Variants in ABTB2 observed in about 807,000 individuals in gnomAD.
ABTB2 encodes ankyrin repeat and BTB domain containing 2, also known as ankyrin repeat and BTB/POZ domain-containing protein 2.
In ABTB2, 56 loss-of-function variants were observed where a neutral mutation model predicts 104.1. The ratio of observed to expected loss-of-function variants is 0.54; its 90% confidence interval spans 0.43 to 0.67. The LOEUF is 0.67. Ranked by LOEUF, ABTB2 falls within the 30% of genes least tolerant of loss-of-function variation. The pLI is 0.00. For missense variants in ABTB2, 1,279 were observed against 1,407.7 expected, an observed-to-expected ratio of 0.91 and a Z score of 1.46; for synonymous variants, 606 against 608.2, an observed-to-expected ratio of 1.00 and a Z score of 0.05.
At chr11:34,267,633 G>C (rs1347569362) in intron 1 of ABTB2, among the ~76,000 whole-genome samples, 1 of 152,216 alleles carries the variant, frequency 6.6e-6, no homozygotes, top group Non-Finnish European at 1.5e-5. Context: ...TCACCCTAGT[G>C]GGGGAAAGTG....
chr11:34,264,803 C>T (rs932348536), intron 1 of ABTB2, among the ~76,000 whole-genome samples: 1 of 152,162 alleles, frequency 6.6e-6, no homozygotes, highest in Non-Finnish European at 1.5e-5. Context: ...GCCTGTAATG[C>T]CTGCTGGCCC....
rs1399688723 is a variant in ABTB2 at position 34,154,964 on chromosome 11, C to G, written c.2698-195G>C. On this transcript the variant is annotated intron_variant, in intron 14 of 16. Coordinates refer to ENST00000435224, the MANE Select transcript of ABTB2 (RefSeq NM_145804.3). This position sits in a 1 kb window ranked among gnomAD's most constrained non-coding sequence, Gnocchi z 4.9. The stretch of plus-strand genomic sequence containing the variant: ...CCGGGGAAGCCAACTCCAAGACCCT[C>G]TCTCCTGAGTCCCTGCCCGGATAAC... Among the ~76,000 whole-genome samples the G allele has an allele frequency of 2.6e-5, 4 of 152,242 alleles. No homozygotes were observed. Among genetic ancestry groups the G allele is most frequent in the Non-Finnish European group, 4.4e-5 (3 of 68,038 alleles).
intron 1 of ABTB2, among the ~76,000 whole-genome samples, chr11:34,319,388 C>T (rs542020829): frequency 8.7e-4 from 133 of 152,324 alleles, no homozygotes; most frequent in Non-Finnish European, 1.7e-3. Flanking sequence ...CCAGCTGATG[C>T]CTGCACTGGC....
chr11:34,229,121 G>GAGA (rs1554984675), intron 1 of ABTB2, among the ~76,000 whole-genome samples: 5 of 103,780 alleles, frequency 4.8e-5, no homozygotes, highest in African/African-American at 1.8e-4. Context: ...CTCCGTCTTG[G>GAGA]AAAAAAAAAA....
chr11:34,357,129 T>G lies in ABTB2; in HGVS notation c.455A>C (p.Lys152Thr). 1.3e-6 allele frequency: 2 copies of G among 1,508,000 alleles called. No individual in the cohort carries two copies. Among genetic ancestry groups the G allele is most frequent in the Non-Finnish European group, 1.8e-6 (2 of 1,134,308 alleles). 93.4% of individuals were successfully genotyped at this position (1,508,000 alleles called of 1,614,324 possible). ...GCTCTGCACCTCAAAGCGGGTGCAC[T>G]TGGCGTGCAGCACGCTCAGGCGCTG... ...EAQRLSVLHAKCTRFEVQSAV... is the reference protein window; with the variant it reads ...EAQRLSVLHATCTRFEVQSAV... The change falls in exon 1 of 17, where the codon AAG (lysine) becomes ACG (threonine). Residue 152 changes from lysine to threonine, a missense_variant. Physicochemically the swap from Lys to Thr is moderately conservative, Grantham distance 78. Coordinates refer to ENST00000435224, the MANE Select transcript of ABTB2 (RefSeq NM_145804.3).
At chr11:34,264,029 G>A (rs1304782296) in intron 1 of ABTB2, among the ~76,000 whole-genome samples, 1 of 152,212 alleles carries the variant, frequency 6.6e-6, no homozygotes, top group African/African-American at 2.4e-5. Context: ...TGTGAGATCA[G>A]TGGTCTTCCA....
intron 3 of ABTB2, among the ~76,000 whole-genome samples, chr11:34,189,885 A>G (rs1853149997): frequency 6.6e-6 from 1 of 152,138 alleles, no homozygotes; most frequent in South Asian, 2.1e-4. Context: ...TGCCTTATGT[A>G]TATTAACTCA....
chr11:34,155,621 G>A (rs983061984), intron 14 of ABTB2, among the ~76,000 whole-genome samples: 1 of 152,244 alleles, frequency 6.6e-6, no homozygotes, highest in East Asian at 1.9e-4. Context: ...TGTCAAGACC[G>A]GCCCTGAGGC....
At position 34,159,385 on chromosome 11, in the gene ABTB2, A is replaced by T; in HGVS notation, c.2608T>A (p.Phe870Ile). The change falls in exon 14 of 17, where the codon TTC becomes ATC. Residue 870 changes from phenylalanine (F) to isoleucine (I), a missense_variant and splice_region_variant. Phe to Ile is a conservative substitution (Grantham distance 21). Coordinates refer to ENST00000435224, the MANE Select transcript of ABTB2 (RefSeq NM_145804.3). ...GATTTATTGGTCATTAGTGTCTTGA[A>T]CCTGGAGCAAAGGAGACAAAGCAAG... ...KVLLVTASNRFKTLMTNKSEQ... is the reference protein window; with the variant it reads ...KVLLVTASNRIKTLMTNKSEQ... The T allele has an allele frequency of 6.2e-7, 1 of 1,611,940 alleles. No homozygotes were observed. The highest frequency in any genetic ancestry group is 8.5e-7 in the Non-Finnish European group (1 of 1,178,112).
chr11:34,207,823 C>T (rs575926388), intron 1 of ABTB2, among the ~76,000 whole-genome samples: 6 of 152,336 alleles, frequency 3.9e-5, no homozygotes, highest in East Asian at 1.9e-4. Flanking sequence ...AGCTAGGCAG[C>T]GCCTAGGATA....
chr11:34,312,789 C>T (rs1210153945), intron 1 of ABTB2, among the ~76,000 whole-genome samples: 2 of 152,156 alleles, frequency 1.3e-5, no homozygotes, highest in Non-Finnish European at 2.9e-5. Flanking sequence ...CAGCCTTGAC[C>T]TCCTGGGCTC....
At chr11:34,256,095 G>A (rs964398247) in intron 1 of ABTB2, among the ~76,000 whole-genome samples, 7 of 148,062 alleles carry the variant, frequency 4.7e-5, no homozygotes, top group Non-Finnish European at 7.5e-5. Flanking sequence ...CTGTTCCTGC[G>A]TAAAATCCAA....
intron 1 of ABTB2, among the ~76,000 whole-genome samples, chr11:34,287,627 T>C (rs561117790): frequency 1.3e-5 from 2 of 152,332 alleles, no homozygotes; most frequent in Admixed American, 1.3e-4. Flanking sequence ...CAAATAGACC[T>C]ACTTCTTCAG....
chr11:34,308,466 G>A (rs543429499), intron 1 of ABTB2, among the ~76,000 whole-genome samples: 231 of 152,186 alleles, frequency 1.5e-3, no homozygotes, highest in African/African-American at 5.5e-3. Flanking sequence ...ACCAACATTC[G>A]ATCACATCTT....
intron 2 of ABTB2, among the ~76,000 whole-genome samples, chr11:34,198,060 T>C (rs1291805611): frequency 6.6e-6 from 1 of 152,176 alleles, no homozygotes; most frequent in African/African-American, 2.4e-5. Flanking sequence ...AGTATGCAAT[T>C]CCCCAGAAAT....
At chr11:34,233,192 C>G (rs1340843594) in intron 1 of ABTB2, among the ~76,000 whole-genome samples, 2 of 144,578 alleles carry the variant, frequency 1.4e-5, no homozygotes, top group African/African-American at 5.1e-5. Flanking sequence ...AATTAGGACA[C>G]CTGGGCTTGG....
At chr11:34,326,598 C>G (rs1209994183) in intron 1 of ABTB2, among the ~76,000 whole-genome samples, 37 of 150,054 alleles carry the variant, frequency 2.5e-4, no homozygotes, top group Admixed American at 2.5e-3. Context: ...CTACTGCATT[C>G]CAGCCTGGGT....
intron 3 of ABTB2, among the ~76,000 whole-genome samples, chr11:34,193,320 C>T (rs557378896): frequency 2.0e-5 from 3 of 152,296 alleles, no homozygotes; most frequent in East Asian, 3.9e-4. Flanking sequence ...AGAAAGGCAC[C>T]CTGGAAGGGT....
chr11:34,222,081 T>C (rs187069066), intron 1 of ABTB2, among the ~76,000 whole-genome samples: 153 of 151,990 alleles, frequency 1.0e-3, no homozygotes, highest in South Asian at 4.2e-3. Flanking sequence ...CAAAAAACCA[T>C]TGGTTCTGTC....
Sources: allele counts gnomAD v4.1 joint callset (sites outside exome capture counted in the v4.1 genomes callset), GRCh38; gene constraint gnomAD v4.1.1; non-coding constraint Gnocchi (gnomAD v3.1); transcripts MANE v1.5; gene names NCBI Gene and HGNC (gene_info 2026-07-23, HGNC 2026-07-21).